Variants in SLC13A1 observed in about 807,000 individuals in gnomAD.
SLC13A1 encodes Na(+)/sulfate cotransporter.
In SLC13A1, 65 loss-of-function variants were observed where a neutral mutation model predicts 70.0. That is an observed-to-expected ratio of 0.93 (90% CI 0.76 to 1.14). The LOEUF (loss-of-function observed/expected upper bound fraction) is 1.14. Ranked by LOEUF, SLC13A1 falls within the 50% of genes most tolerant of loss-of-function variation. The probability of loss-of-function intolerance (pLI) is 0.00; values close to 1 mark genes in which losing one functional copy is unlikely to be tolerated. For missense variants in SLC13A1, 726 were observed against 717.8 expected, an observed-to-expected ratio of 1.01 and a Z score of -0.13; for synonymous variants, 275 against 250.5, an observed-to-expected ratio of 1.10 and a Z score of -0.92.
intron 8 of SLC13A1, among the ~76,000 whole-genome samples, chr7:123,133,869 T>C (rs150352424): frequency 0.016 from 2,431 of 151,160 alleles, 35 homozygotes; most frequent in East Asian, 0.027. Context: ...TTGAGACCGT[T>C]CTCTGTCGCC....
At position 123,127,325 on chromosome 7, in the gene SLC13A1, G is replaced by A. The variant is rs149356335; in HGVS notation, c.1133+1520C>T. ...CAAACAAAACAATTCCTGTTTCCTC[G>A]CATAAGAAACAGAAATTGGAAGCTG... On this transcript the variant is annotated intron_variant, in intron 10 of 14. Transcript: ENST00000194130. 1.1e-3 allele frequency among the ~76,000 whole-genome samples: 167 copies of A among 151,996 alleles called. 1 individual carries two copies. The highest frequency in any genetic ancestry group is 3.6e-3 in the African/African-American group (149 of 41,488).
At chr7:123,135,156 C>T (rs1490070531) in intron 7 of SLC13A1, among the ~76,000 whole-genome samples, 2 of 152,184 alleles carry the variant, frequency 1.3e-5, no homozygotes, top group Non-Finnish European at 2.9e-5. Flanking sequence ...AATGGAGTAA[C>T]TCTGAGCCAG....
intron 6 of SLC13A1, among the ~76,000 whole-genome samples, chr7:123,148,014 C>T (rs1794423295): frequency 6.6e-6 from 1 of 152,138 alleles, no homozygotes; most frequent in South Asian, 2.1e-4. Context: ...GGGGATATTA[C>T]TCCTGAAGTG....
chr7:123,125,028 T>C (rs756226744), intron 11 of SLC13A1, among the ~76,000 whole-genome samples: 2 of 152,082 alleles, frequency 1.3e-5, no homozygotes, highest in Non-Finnish European at 2.9e-5. Context: ...GTGATCCTCC[T>C]GCCTCAGTCT....
Position 123,114,457 on chromosome 7 carries a change from T to G in SLC13A1, c.*1061A>C, listed in dbSNP as rs902089822. 1 of 152,174 alleles carries G rather than the reference T, an allele frequency of 6.6e-6. No individual in the cohort carries two copies. Among genetic ancestry groups the G allele is most frequent in the Non-Finnish European group, 1.5e-5 (1 of 68,012 alleles). The allele number at this position is 152,174 out of a possible 1,614,324, so 9.4% of individuals were successfully genotyped here. A position where few individuals can be genotyped will look rare whatever the true frequency, so the allele number is the denominator to read the frequency against. On this transcript the variant is annotated 3_prime_UTR_variant, in exon 15 of 15. Transcript: ENST00000194130. Reference sequence around the variant, plus strand: ...TTAGTTTTTTCTTTTTGATTTGATTTTAAATCATTTATTTTTCTGTTTTGT... The same window carrying G: ...TTAGTTTTTTCTTTTTGATTTGATTGTAAATCATTTATTTTTCTGTTTTGT...
intron 6 of SLC13A1, among the ~76,000 whole-genome samples, chr7:123,159,872 A>G (rs1325221092): frequency 6.6e-6 from 1 of 152,146 alleles, no homozygotes; most frequent in Non-Finnish European, 1.5e-5. Context: ...CTAAAATATA[A>G]GGACACAGAA....
intron 3 of SLC13A1, among the ~76,000 whole-genome samples, chr7:123,170,690 G>A (rs550917744): frequency 3.9e-5 from 6 of 151,946 alleles, no homozygotes; most frequent in African/African-American, 7.2e-5. Flanking sequence ...GTGCAATGGC[G>A]TGATCTTGGC....
At chr7:123,155,290 T>C (rs781577542) in intron 6 of SLC13A1, among the ~76,000 whole-genome samples, 5 of 151,944 alleles carry the variant, frequency 3.3e-5, no homozygotes, top group African/African-American at 4.8e-5. Flanking sequence ...TCTTTCTGTT[T>C]TGTCTACTGA....
intron 7 of SLC13A1, among the ~76,000 whole-genome samples, chr7:123,137,860 C>A (rs1794004589): frequency 2.0e-5 from 3 of 152,102 alleles, no homozygotes; most frequent in Non-Finnish European, 4.4e-5. Context: ...GTGTAATAAT[C>A]AGATCATAGA....
At chr7:123,129,821 A>AT (rs1221689388) in intron 8 of SLC13A1, among the ~76,000 whole-genome samples, 5 of 152,134 alleles carry the variant, frequency 3.3e-5, no homozygotes, top group African/African-American at 1.2e-4. Flanking sequence ...TCTAACTAAC[A>AT]TTTTATTACG....
chr7:123,169,406 G>C (rs1795189440), intron 3 of SLC13A1, 71 bp from the exon 4 acceptor site: 4 of 1,341,992 alleles, frequency 3.0e-6, no homozygotes, highest in Non-Finnish European at 2.1e-6. Flanking sequence ...TTAACTGGAA[G>C]ATGTTTAAGA....
intron 6 of SLC13A1, among the ~76,000 whole-genome samples, chr7:123,149,170 T>G (rs1386714662): frequency 6.6e-6 from 1 of 152,068 alleles, no homozygotes; most frequent in East Asian, 1.9e-4. Context: ...ACTTATGCTG[T>G]CAAAAATCCC....
Position 123,129,446 on chromosome 7 carries a change from G to T in SLC13A1, c.968C>A (p.Thr323Lys), listed in dbSNP as rs777052288. Residue 323 changes from threonine to lysine, a missense_variant, in exon 9 of 15, where the codon ACA becomes AAA. Physicochemically the swap from Thr to Lys is moderately conservative, Grantham distance 78. Transcript: ENST00000194130. Reference protein sequence around the residue: ...KEMFKCGKTKTVQQKACAEVI... With the variant: ...KEMFKCGKTKKVQQKACAEVI... ...CTCAGCACAAGCTTTTTGTTGGACT[G>T]TTTTGGTTTTGCCACATTTGAACAT... 6.2e-7 allele frequency: 1 copy of T among 1,611,642 alleles called. No homozygotes were observed. The highest frequency in any genetic ancestry group is 1.3e-5 in the African/African-American group (1 of 74,606).
At chr7:123,171,542 G>A (rs1474602946) in intron 3 of SLC13A1, among the ~76,000 whole-genome samples, 4 of 152,118 alleles carry the variant, frequency 2.6e-5, no homozygotes, top group Non-Finnish European at 5.9e-5. Flanking sequence ...TTGTGTGCAC[G>A]TATTCCAAGC....
intron 2 of SLC13A1, among the ~76,000 whole-genome samples, chr7:123,177,067 T>C: frequency 6.6e-6 from 1 of 152,144 alleles, no homozygotes. Flanking sequence ...CTTAGATGTC[T>C]AATAGGTATT....
chr7:123,172,522 T>C (rs1795309337), intron 2 of SLC13A1, among the ~76,000 whole-genome samples: 1 of 152,190 alleles, frequency 6.6e-6, no homozygotes, highest in East Asian at 1.9e-4. Context: ...CTCTGGAGGC[T>C]GAGACAGAAG....
chr7:123,169,444 C>T (rs1414335575), intron 3 of SLC13A1, 109 bp from the exon 4 acceptor site: 8 of 988,880 alleles, frequency 8.1e-6, no homozygotes, highest in Non-Finnish European at 1.2e-5. Context: ...GAAATTAAGT[C>T]TTTCAAAACA....
Position 123,168,556 on chromosome 7 carries a change from C to G in SLC13A1, c.559G>C (p.Val187Leu). The change falls in exon 5 of 15, where the codon GTT becomes CTT. Residue 187 changes from valine (V) to leucine (L), a missense_variant. Transcript: ENST00000194130. ...CTCTCATTTATTTCATGTCCATTAA[C>G]ACTTTCTGCAAAACATTAAATAAAA... Reference protein sequence around the residue: ...TNHGLEIDESVNGHEINERKE... With the variant: ...TNHGLEIDESLNGHEINERKE... 6.2e-7 allele frequency: 1 copy of G among 1,604,848 alleles called. No homozygotes were observed. The highest frequency in any genetic ancestry group is 8.5e-7 in the Non-Finnish European group (1 of 1,173,362).
intron 13 of SLC13A1, 104 bp from the exon 14 acceptor site, chr7:123,117,712 A>AC: frequency 1.7e-6 from 1 of 576,214 alleles, no homozygotes; most frequent in Non-Finnish European, 3.0e-6. Flanking sequence ...AGCATGTTGG[A>AC]ACCTAATGAT....
Sources: gnomAD v4.1 joint callset for allele counts (sites outside exome capture counted in the v4.1 genomes callset) on GRCh38, gnomAD v4.1.1 for gene constraint, MANE v1.5 for transcripts, NCBI Gene and HGNC (gene_info 2026-07-23, HGNC 2026-07-21) for gene names.